Variants in DNAH9 observed in about 807,000 individuals in gnomAD.
DNAH9 encodes the protein DNAH9 variant protein.
DNAH9 carries 345 observed loss-of-function variants against 471.6 expected under a neutral mutation model. The observed-to-expected ratio is 0.73, with a 90% CI of 0.67 to 0.80. DNAH9 has a LOEUF of 0.80. Ranked by LOEUF, DNAH9 falls within the 30% of genes least tolerant of loss-of-function variation. DNAH9 has a pLI of 0.00. For missense variants in DNAH9, 5,407 were observed against 5,609.2 expected, an observed-to-expected ratio of 0.96 and a Z score of 1.15; for synonymous variants, 2,093 against 2,123.6, an observed-to-expected ratio of 0.99 and a Z score of 0.40.
intron 22 of DNAH9, among the ~76,000 whole-genome samples, chr17:11,695,170 G>C (rs2074453275): frequency 6.6e-6 from 1 of 151,678 alleles, no homozygotes; most frequent in South Asian, 2.1e-4. Flanking sequence ...TTACAACTGT[G>C]AGCCACTGCA....
chr17:11,678,050 A>T (rs2074075714), intron 17 of DNAH9, among the ~76,000 whole-genome samples: 1 of 151,750 alleles, frequency 6.6e-6, no homozygotes, highest in East Asian at 1.9e-4. Flanking sequence ...TTTATTATTT[A>T]TTTATTTTAT....
chr17:11,719,435 G>A lies in DNAH9; in HGVS notation c.5654G>A (p.Arg1885His), dbSNP rs146873655. 4.1e-4 allele frequency: 662 copies of A among 1,613,862 alleles called. 1 individual carries two copies. The highest frequency in any genetic ancestry group is 5.5e-4 in the African/African-American group (41 of 75,006). Residue 1885 changes from arginine (R) to histidine (H), a missense_variant, in exon 27 of 69, where the codon CGC becomes CAC. Arg to His is a conservative substitution (Grantham distance 29). Coordinates refer to ENST00000262442, the MANE Select transcript of DNAH9 (RefSeq NM_001372.4). ...GKTETTKDLG[R>H]ALGILVYVFN... ...ACCGAGACCACCAAGGACCTGGGCC[G>A]CGCACTGGGCATCCTGGTCTATGTG...
chr17:11,946,714 CTAAATA>C (rs1256069821), intron 67 of DNAH9, among the ~76,000 whole-genome samples: 2 of 149,712 alleles, frequency 1.3e-5, no homozygotes, highest in African/African-American at 2.5e-5. Context: ...CTTGTACCCT[CTAAATA>C]TATAACGGTA....
intron 61 of DNAH9, among the ~76,000 whole-genome samples, chr17:11,910,638 T>C (rs1973764681): frequency 6.6e-6 from 1 of 152,186 alleles, no homozygotes; most frequent in African/African-American, 2.4e-5. Flanking sequence ...CAGACTGTTT[T>C]CCAAAACAGA....
At chr17:11,732,650 A>T (rs903454541) in intron 28 of DNAH9, among the ~76,000 whole-genome samples, 2 of 151,302 alleles carry the variant, frequency 1.3e-5, no homozygotes, top group Non-Finnish European at 3.0e-5. Context: ...CAATTCCAAA[A>T]AAAAATTACT....
chr17:11,762,776 T>TTTG lies in DNAH9; in HGVS notation c.6996-662_6996-661insGTT, dbSNP rs756784647. 4.6e-3 allele frequency among the ~76,000 whole-genome samples: 536 copies of TTTG among 116,564 alleles called. 13 individuals are homozygous for TTTG. The highest frequency in any genetic ancestry group is 0.018 in the African/African-American group (487 of 27,264). The allele number at this position is 116,564 out of a possible 152,430, so 76.5% of individuals were successfully genotyped here. A position where few individuals can be genotyped will look rare whatever the true frequency, so the allele number is the denominator to read the frequency against. On this transcript the variant is annotated intron_variant, in intron 35 of 68. Coordinates refer to ENST00000262442, the MANE Select transcript of DNAH9 (RefSeq NM_001372.4). Reference sequence around the variant, plus strand: ...TAGGTGCGTTTTTTTTTTTGTTTTTTTTTTTTTTTTTTTTTTTTTTTGAGA... The same window carrying TTTG: ...TAGGTGCGTTTTTTTTTTTGTTTTTTTTGTTTTTTTTTTTTTTTTTTTTTGAGA...
At chr17:11,775,024 A>G (rs1968365892) in intron 38 of DNAH9, among the ~76,000 whole-genome samples, 1 of 151,944 alleles carries the variant, frequency 6.6e-6, no homozygotes, top group African/African-American at 2.4e-5. Flanking sequence ...CTTCCTCCCA[A>G]CGCCCCCCAC....
At chr17:11,926,880 T>TA (rs1974348765) in intron 62 of DNAH9, among the ~76,000 whole-genome samples, 1 of 152,222 alleles carries the variant, frequency 6.6e-6, no homozygotes, top group Non-Finnish European at 1.5e-5. Flanking sequence ...ACCAACAGCA[T>TA]AAAAGGGTTC....
chr17:11,672,305 G>T (rs2073985086), intron 17 of DNAH9, among the ~76,000 whole-genome samples: 1 of 152,148 alleles, frequency 6.6e-6, no homozygotes. Flanking sequence ...TCTTACAGCA[G>T]CAAATGCCCA....
At chr17:11,718,244 C>A (rs1371434320) in intron 26 of DNAH9, among the ~76,000 whole-genome samples, 1 of 152,216 alleles carries the variant, frequency 6.6e-6, no homozygotes, top group Non-Finnish European at 1.5e-5. Context: ...TTCGTCCATC[C>A]TGTAGCATGT....
chr17:11,746,957 GA>G (rs766875138), intron 31 of DNAH9, among the ~76,000 whole-genome samples: 3 of 151,814 alleles, frequency 2.0e-5, no homozygotes, highest in South Asian at 2.1e-4. Flanking sequence ...CAAGAATCAA[GA>G]AAAAAAATCC....
chr17:11,756,795 G>A (rs1967412301), intron 34 of DNAH9, 119 bp downstream of exon 34: 2 of 681,034 alleles, frequency 2.9e-6, no homozygotes, highest in Admixed American at 2.5e-5. Context: ...AGCCTCACGT[G>A]CAGTTTTGTG....
At chr17:11,797,215 C>A (rs975493793) in intron 42 of DNAH9, among the ~76,000 whole-genome samples, 7 of 152,090 alleles carry the variant, frequency 4.6e-5, no homozygotes, top group African/African-American at 1.7e-4. Context: ...AATGTACATG[C>A]AGAAAGTGAG....
Position 11,745,099 on chromosome 17 carries a change from TC to T in DNAH9, c.6399+17del. 6.3e-7 allele frequency: 1 copy of T among 1,597,872 alleles called. No homozygotes were observed. Among genetic ancestry groups the T allele is most frequent in the Non-Finnish European group, 8.6e-7 (1 of 1,169,370 alleles). On this transcript the variant is annotated intron_variant, in intron 31 of 68. Transcript: ENST00000262442. ...TTGTGCTCAAGGTACATGTGGTTTT[TC>T]CTCCCAGGATTTCTCTATCTCTTAC...
rs575757488 is a variant in DNAH9, at chr17:11,767,126, G to A, written c.7171-1327G>A. 4.6e-5 allele frequency among the ~76,000 whole-genome samples: 7 copies of A among 152,296 alleles called. No individual in the cohort carries two copies. In the South Asian group the frequency reaches 1.4e-3, roughly 32 times the overall value. On this transcript the variant is annotated intron_variant, in intron 36 of 68. Coordinates refer to ENST00000262442, the MANE Select transcript of DNAH9 (RefSeq NM_001372.4). ...ACAATGTCGGTGTGGCCCAGCCAAG[G>A]GCTTAGCTGGGAAATTGCCAGGCAT...
Position 11,932,615 on chromosome 17 carries a change from A to G in DNAH9, c.12297+410A>G, listed in dbSNP as rs138560795. Reference sequence around the variant, plus strand: ...TGCAGTGCTATCCTACAGAAGGGGCATGAGCACACAGAAGGGCTGCACCCC... The same window carrying G: ...TGCAGTGCTATCCTACAGAAGGGGCGTGAGCACACAGAAGGGCTGCACCCC... On this transcript the variant is annotated intron_variant, in intron 64 of 68. Coordinates refer to ENST00000262442, the MANE Select transcript of DNAH9 (RefSeq NM_001372.4). This position sits in a 1 kb window ranked among gnomAD's most constrained non-coding sequence, Gnocchi z 4.3. 9.2e-5 allele frequency among the ~76,000 whole-genome samples: 14 copies of G among 152,330 alleles called. No homozygotes were observed. The highest frequency in any genetic ancestry group is 3.4e-4 in the African/African-American group (14 of 41,578).
intron 14 of DNAH9, among the ~76,000 whole-genome samples, 198 bp downstream of exon 14, chr17:11,653,200 T>G (rs1463429956): frequency 6.6e-6 from 1 of 152,212 alleles, no homozygotes; most frequent in African/African-American, 2.4e-5. Context: ...ATCAATGTGT[T>G]GAAATTATTA....
chr17:11,620,222 A>G (rs1350681945), intron 6 of DNAH9, among the ~76,000 whole-genome samples: 1 of 152,032 alleles, frequency 6.6e-6, no homozygotes, highest in Non-Finnish European at 1.5e-5. Flanking sequence ...TCTCAAAAAA[A>G]CAAACAAGGG....
At chr17:11,768,729 C>A in intron 37 of DNAH9, 103 bp downstream of exon 37, 1 of 1,384,076 alleles carries the variant, frequency 7.2e-7, no homozygotes, top group Non-Finnish European at 9.9e-7. Flanking sequence ...TTTGTCCTTG[C>A]TAGGAACTAG....
Sources: allele counts gnomAD v4.1 joint callset (sites outside exome capture counted in the v4.1 genomes callset), GRCh38; gene constraint gnomAD v4.1.1; non-coding constraint Gnocchi (gnomAD v3.1); transcripts MANE v1.5; gene names NCBI Gene and HGNC (gene_info 2026-07-23, HGNC 2026-07-21).